The following ZFHX3 variants were observed in gnomAD, a reference collection of about 807,000 sequenced individuals.
ZFHX3 encodes zinc finger homeobox 3.
In ZFHX3, 42 loss-of-function variants were observed where a neutral mutation model predicts 279.1. The ratio of observed to expected loss-of-function variants is 0.15; its 90% CI spans 0.12 to 0.19. ZFHX3 has a LOEUF of 0.19. Among genes scored for constraint, ZFHX3 ranks in the 10% least tolerant of loss-of-function variants. The pLI, the probability that ZFHX3 is intolerant of heterozygous loss-of-function variation, is 1.00. For missense variants in ZFHX3, 4,981 were observed against 4,754.0 expected (o/e 1.05, Z -1.40); for synonymous variants, 2,293 against 1,957.8 (o/e 1.17, Z -4.52).
chr16:73,813,572 A>G (rs1282711832), intron 1 of ZFHX3, among the ~76,000 whole-genome samples: 2 of 152,126 alleles, frequency 1.3e-5, no homozygotes, highest in African/African-American at 4.8e-5. Flanking sequence ...CCCTTCCTTC[A>G]TTAAACCTAG....
At chr16:73,846,653 G>A (rs1597141504) in intron 1 of ZFHX3, among the ~76,000 whole-genome samples, 1 of 152,080 alleles carries the variant, frequency 6.6e-6, no homozygotes, top group East Asian at 1.9e-4. Context: ...ATGTCTCGGC[G>A]CCCCCTTGCT....
intron 3 of ZFHX3, among the ~76,000 whole-genome samples, chr16:72,917,316 G>A (rs991968153): frequency 6.6e-6 from 1 of 152,110 alleles, no homozygotes; most frequent in African/African-American, 2.4e-5. Context: ...CGAAACTTTG[G>A]AATCTCAAAA....
intron 1 of ZFHX3, among the ~76,000 whole-genome samples, chr16:73,009,554 A>G (rs556141666): frequency 2.0e-4 from 31 of 152,334 alleles, no homozygotes; most frequent in Non-Finnish European, 3.2e-4. Flanking sequence ...ATGTAATCAT[A>G]TATTACTTAA....
chr16:73,886,645 A>G (rs2030355073), intron 1 of ZFHX3, among the ~76,000 whole-genome samples: 1 of 152,218 alleles, frequency 6.6e-6, no homozygotes, highest in Admixed American at 6.5e-5. Context: ...GACACTGACC[A>G]TTAATCTAGA....
rs1209767990 is a variant in ZFHX3 at position 73,266,530 on chromosome 16, CAT to C, written c.-1193-9396_-1193-9395del. ...ACTGTGAAGGAGTAATATTCATCCA[CAT>C]GTCTCCATTTTGCAGACGTGAAGAC... On this transcript the variant is annotated intron_variant, in intron 4 of 17. Transcript: ENST00000641206. 4.6e-5 allele frequency among the ~76,000 whole-genome samples: 7 copies of C among 152,194 alleles called. No individual in the cohort carries two copies. The East Asian group carries it at 7.7e-4, about 17-fold the overall frequency.
chr16:72,787,722 G>GCCA lies in ZFHX3; in HGVS notation c.10553_10554insTGG (p.Gly3527dup), dbSNP rs747303430. On this transcript the variant is annotated inframe_insertion, in exon 10 of 10. Coordinates refer to ENST00000268489, the MANE Select transcript of ZFHX3 (RefSeq NM_006885.4). ...CGCCGCCGCCGCCGCCGCCGCCACC[G>GCCA]CCGCCGCCGCCGCCACTGCCACCGC... is the stretch of plus-strand genomic sequence containing the variant. 465 of 1,229,730 alleles carry GCCA rather than the reference G, an allele frequency of 3.8e-4. No homozygotes were observed. Among genetic ancestry groups the GCCA allele is most frequent in the African/African-American group, 3.6e-3 (208 of 58,012 alleles). 76.2% of individuals were successfully genotyped at this position (1,229,730 alleles called of 1,614,324 possible). A position where few individuals can be genotyped will look rare whatever the true frequency, so the allele number is the denominator to read the frequency against.
At chr16:73,882,346 A>C (rs943862975) in intron 1 of ZFHX3, among the ~76,000 whole-genome samples, 1 of 152,138 alleles carries the variant, frequency 6.6e-6, no homozygotes, top group African/African-American at 2.4e-5. Flanking sequence ...TTTTGCTGTC[A>C]AAAAAGCTTT....
intron 1 of ZFHX3, among the ~76,000 whole-genome samples, chr16:73,736,216 A>C (rs1193745090): frequency 1.3e-5 from 2 of 152,046 alleles, no homozygotes; most frequent in South Asian, 2.1e-4. Flanking sequence ...GTTCATCGTC[A>C]CCCTTGTACA....
chr16:73,401,958 G>C (rs998755430), intron 3 of ZFHX3: 4 of 152,184 alleles, frequency 2.6e-5, no homozygotes, highest in Non-Finnish European at 4.4e-5. Context: ...GCTTTTCATA[G>C]GCAAGTTAGT....
At chr16:73,308,271 ATATATATTTATTTATT>A (rs2015239197) in intron 4 of ZFHX3, among the ~76,000 whole-genome samples, 1 of 25,164 alleles carries the variant, frequency 4.0e-5, no homozygotes, top group African/African-American at 1.2e-4. Context: ...ATATATATAT[ATATATATTTATTTATT>A]TATTTTTGAG....
intron 4 of ZFHX3, among the ~76,000 whole-genome samples, chr16:73,280,273 C>T (rs1434595874): frequency 6.6e-6 from 1 of 152,126 alleles, no homozygotes; most frequent in South Asian, 2.1e-4. Flanking sequence ...AACTAAAATG[C>T]TTCTGCACAG....
At chr16:73,131,589 C>T (rs1966682125) in intron 6 of ZFHX3, among the ~76,000 whole-genome samples, 1 of 152,196 alleles carries the variant, frequency 6.6e-6, no homozygotes, top group Non-Finnish European at 1.5e-5. Context: ...TGAGCTGACA[C>T]AGTGAGCCTC....
At position 72,787,866 on chromosome 16, in the gene ZFHX3, G is replaced by A. The variant is rs2143288948; in HGVS notation, c.10410C>T (p.Cys3470=). ...KVQYKLVCRK[C]QAGFSDEEAA... is the part of the protein sequence containing the mutation. ...CCTCCTCGTCGCTGAAGCCCGCCTG[G>A]CACTTGCGGCAGACCAACTTGTACT... Residue 3470 remains cysteine, a synonymous_variant, in exon 10 of 10, where the codon TGC becomes TGT. Coordinates refer to ENST00000268489, the MANE Select transcript of ZFHX3 (RefSeq NM_006885.4). 6.2e-7 allele frequency: 1 copy of A among 1,613,898 alleles called. No individual in the cohort carries two copies. The highest frequency in any genetic ancestry group is 8.5e-7 in the Non-Finnish European group (1 of 1,179,990).
chr16:73,054,051 C>CT (rs1965500866), intron 1 of ZFHX3, among the ~76,000 whole-genome samples: 1 of 145,972 alleles, frequency 6.9e-6, no homozygotes, highest in Non-Finnish European at 1.5e-5. Context: ...GGAAGATGAT[C>CT]TGGGGGGCTG....
intron 4 of ZFHX3, among the ~76,000 whole-genome samples, chr16:72,876,961 A>T (rs1174627966): frequency 1.3e-5 from 2 of 152,228 alleles, no homozygotes; most frequent in Non-Finnish European, 2.9e-5. Flanking sequence ...GGGTGATTCC[A>T]AAATAGTTAT....
Position 72,797,144 on chromosome 16 carries a change from A to T in ZFHX3, c.5538T>A (p.His1846Gln). The T allele has an allele frequency of 6.2e-7, 1 of 1,613,828 alleles. No homozygotes were observed. Among genetic ancestry groups the T allele is most frequent in the Non-Finnish European group, 8.5e-7 (1 of 1,180,014 alleles). Residue 1846 changes from histidine (H) to glutamine (Q), a missense_variant, in exon 9 of 10, where the codon CAT becomes CAA. By Grantham distance (24) the His-to-Gln change is conservative. Coordinates refer to ENST00000268489, the MANE Select transcript of ZFHX3 (RefSeq NM_006885.4). ...KAQVQVPQQS[H>Q]QQILPQQQQN... ...GCTGCTGCTGCGGCAAGATCTGCTGATGGCTCTGCTGTGGGACCTGAACCT... is the reference window on the plus strand; with the variant it reads ...GCTGCTGCTGCGGCAAGATCTGCTGTTGGCTCTGCTGTGGGACCTGAACCT...
At position 73,716,612 on chromosome 16, in the gene ZFHX3, AACACACAC is replaced by A. The variant is rs144449904; in HGVS notation, c.-1607-36380_-1607-36373del. Among the ~76,000 whole-genome samples the A allele has an allele frequency of 1.5e-3, 48 of 31,804 alleles. No individual in the cohort carries two copies. In the South Asian group the frequency reaches 0.017, roughly 11 times the overall value. 20.9% of individuals were successfully genotyped at this position (31,804 alleles called of 152,430 possible). On this transcript the variant is annotated intron_variant, in intron 1 of 17. Transcript: ENST00000641206. ...CTTCTCCCCCAGAATTCTTACTCTG[AACACACAC>A]ACACACACACACACACACACACACA...
At chr16:73,197,924 G>GTTTT (rs71156148) in intron 5 of ZFHX3, among the ~76,000 whole-genome samples, 1,112 of 53,854 alleles carry the variant, frequency 0.021, 174 homozygotes, top group Middle Eastern at 0.062. Flanking sequence ...TGATTTGGTG[G>GTTTT]TTTTTTTTTT....
intron 1 of ZFHX3, among the ~76,000 whole-genome samples, chr16:73,008,824 G>C (rs904551548): frequency 3.3e-5 from 5 of 152,054 alleles, no homozygotes; most frequent in African/African-American, 1.2e-4. Flanking sequence ...TGTGACTAAA[G>C]AAGGCAGGAG....
Sources: gnomAD v4.1 joint callset for allele counts (sites outside exome capture counted in the v4.1 genomes callset) on GRCh38, gnomAD v4.1.1 for gene constraint, MANE v1.5 for transcripts, NCBI Gene and HGNC (gene_info 2026-07-23, HGNC 2026-07-21) for gene names.